The following SCRG1 variants were observed in gnomAD, a reference collection of about 807,000 sequenced individuals.
The protein encoded by SCRG1 is stimulator of chondrogenesis 1, also known as scrapie-responsive protein 1.
A neutral mutation model predicts 7.7 loss-of-function variants in SCRG1; 3 were observed. The observed-to-expected ratio is 0.39, with a 90% CI of 0.18 to 1.01. The LOEUF (loss-of-function observed/expected upper bound fraction) is 1.01, where lower values mean the gene tolerates loss of function less well. Among genes scored for constraint, SCRG1 ranks in the 50% least tolerant of loss-of-function variants. SCRG1 has a pLI of 0.36. For synonymous variants in SCRG1, 46 were observed against 41.2 expected, an observed-to-expected ratio of 1.12 and a Z score of -0.44; for missense variants, 110 against 117.2, an observed-to-expected ratio of 0.94 and a Z score of 0.28.
the SCRG1 span, among the ~76,000 whole-genome samples, chr4:173,509,297 G>A: frequency 2.0e-5 from 3 of 152,150 alleles, no homozygotes; most frequent in African/African-American, 7.2e-5. The surrounding 1 kb of genome is among the most constrained non-coding windows in gnomAD (Gnocchi z 5.7). Flanking sequence ...GGGACGCGTG[G>A]GGACTGAAGG....
chr4:173,417,622 C>A, the SCRG1 span, among the ~76,000 whole-genome samples: 2 of 151,402 alleles, frequency 1.3e-5, no homozygotes, highest in African/African-American at 4.9e-5. Context: ...TTCCTTCCTC[C>A]CTTCCTTCAT....
At chr4:173,400,397 G>A (rs1412415430), upstream of SCRG1, among the ~76,000 whole-genome samples, 1 of 152,178 alleles carries the variant, frequency 6.6e-6, no homozygotes, top group African/African-American at 2.4e-5. Context: ...TTGGCTGGAG[G>A]AGGAGTGGGA....
chr4:173,437,984 G>T, the SCRG1 span, among the ~76,000 whole-genome samples: 1 of 152,298 alleles, frequency 6.6e-6, no homozygotes, highest in African/African-American at 2.4e-5. Flanking sequence ...CCAAGACTTT[G>T]TAGCTTTGCT....
At chr4:173,430,198 G>T in the SCRG1 span, among the ~76,000 whole-genome samples, 1 of 152,168 alleles carries the variant, frequency 6.6e-6, no homozygotes, top group African/African-American at 2.4e-5. Flanking sequence ...ACAAACTTTT[G>T]TGCTTGGCCT....
At chr4:173,483,485 A>C in the SCRG1 span, among the ~76,000 whole-genome samples, 1 of 74,612 alleles carries the variant, frequency 1.3e-5, no homozygotes, top group African/African-American at 7.9e-5. Context: ...CTGATATATA[A>C]TATATTATAT....
At chr4:173,432,029 C>T in the SCRG1 span, among the ~76,000 whole-genome samples, 1 of 152,296 alleles carries the variant, frequency 6.6e-6, no homozygotes, top group Admixed American at 6.5e-5. Context: ...CTTGTCTTCA[C>T]GGACAAAATC....
At chr4:173,400,838 C>T (rs1739742355), upstream of SCRG1, among the ~76,000 whole-genome samples, 1 of 152,166 alleles carries the variant, frequency 6.6e-6, no homozygotes, top group Non-Finnish European at 1.5e-5. Flanking sequence ...TTGTTTCCCA[C>T]CATTATGCTG....
At chr4:173,389,626 A>T (rs4695833) in intron 2 of SCRG1, 173,794 of 182,592 alleles carry the variant, frequency 0.95, 82,916 homozygotes, top group Non-Finnish European at 0.98. Context: ...AGGTCTGGGG[A>T]GGAGTCCAAG....
At chr4:173,485,087 AT>A in the SCRG1 span, among the ~76,000 whole-genome samples, 3 of 9,062 alleles carry the variant, frequency 3.3e-4, no homozygotes, top group Non-Finnish European at 4.7e-4. Flanking sequence ...TATATAATAT[AT>A]TATATATTAT....
chr4:173,390,408 T>C, intron 2 of SCRG1, among the ~76,000 whole-genome samples: 1 of 152,140 alleles, frequency 6.6e-6, no homozygotes, highest in East Asian at 1.9e-4. Flanking sequence ...TTTTGACCGT[T>C]ACTAAACTTT....
the SCRG1 span, among the ~76,000 whole-genome samples, chr4:173,428,515 C>A: frequency 6.6e-6 from 1 of 152,114 alleles, no homozygotes; most frequent in Non-Finnish European, 1.5e-5. Context: ...TTGAACTCTC[C>A]CCTTCAGGAC....
the SCRG1 span, among the ~76,000 whole-genome samples, chr4:173,505,814 G>A: frequency 0.012 from 1,868 of 152,344 alleles, 45 homozygotes; most frequent in African/African-American, 0.043. The surrounding 1 kb of genome is among the most constrained non-coding windows in gnomAD (Gnocchi z 4.4). Context: ...GGAAGGTGGA[G>A]CTCCTGGAGC....
the SCRG1 span, among the ~76,000 whole-genome samples, chr4:173,413,536 C>T: frequency 7.9e-5 from 12 of 152,260 alleles, no homozygotes; most frequent in East Asian, 7.7e-4. Flanking sequence ...TAAGAACCAA[C>T]GAGTCATTGA....
At chr4:173,515,427 A>G in the SCRG1 span, among the ~76,000 whole-genome samples, 1 of 152,064 alleles carries the variant, frequency 6.6e-6, no homozygotes, top group African/African-American at 2.4e-5. This position sits in a 1 kb window ranked among gnomAD's most constrained non-coding sequence, Gnocchi z 4.6. Context: ...TGTGCTAAAA[A>G]AAAAAAACTT....
At chr4:173,513,928 T>C in the SCRG1 span, among the ~76,000 whole-genome samples, 4 of 152,230 alleles carry the variant, frequency 2.6e-5, no homozygotes, top group Non-Finnish European at 5.9e-5. Flanking sequence ...ACATTTTGGG[T>C]ATTTTTAAAC....
At chr4:173,484,416 T>TATATA in the SCRG1 span, among the ~76,000 whole-genome samples, 1 of 69,434 alleles carries the variant, frequency 1.4e-5, no homozygotes. Context: ...ATACATATAA[T>TATATA]ATATATTATA....
the SCRG1 span, among the ~76,000 whole-genome samples, chr4:173,488,863 C>T: frequency 6.6e-6 from 1 of 152,116 alleles, no homozygotes; most frequent in African/African-American, 2.4e-5. Flanking sequence ...GGTCCTTACT[C>T]CAACTCTAAC....
the SCRG1 span, among the ~76,000 whole-genome samples, chr4:173,436,168 G>T: frequency 6.6e-6 from 1 of 152,184 alleles, no homozygotes; most frequent in Non-Finnish European, 1.5e-5. Flanking sequence ...TTATATCATT[G>T]GGTTAGTTCG....
At chr4:173,438,413 C>T in the SCRG1 span, among the ~76,000 whole-genome samples, 1 of 152,052 alleles carries the variant, frequency 6.6e-6, no homozygotes, top group Non-Finnish European at 1.5e-5. Flanking sequence ...GTAAGCCACT[C>T]TGTCTGACCA....
Sources: allele counts gnomAD v4.1 joint callset (sites outside exome capture counted in the v4.1 genomes callset), GRCh38; gene constraint gnomAD v4.1.1; non-coding constraint Gnocchi (gnomAD v3.1); transcripts MANE v1.5; gene names NCBI Gene and HGNC (gene_info 2026-07-23, HGNC 2026-07-21).